Variants in PRKCA observed in about 807,000 individuals in gnomAD.
PRKCA encodes protein kinase C alpha type.
PRKCA carries 27 observed loss-of-function variants against 87.0 expected under a neutral mutation model. The ratio of observed to expected loss-of-function variants is 0.31; its 90% confidence interval spans 0.23 to 0.43. The LOEUF is 0.43. Among genes scored for constraint, PRKCA ranks in the 20% least tolerant of loss-of-function variants. PRKCA has a pLI of 1.00. For synonymous variants in PRKCA, 329 were observed against 311.1 expected (o/e 1.06, Z -0.61); for missense variants, 518 against 852.3 (o/e 0.61, Z 4.88).
chr17:66,612,537 A>G (rs1037534890), intron 3 of PRKCA, among the ~76,000 whole-genome samples: 1 of 152,182 alleles, frequency 6.6e-6, no homozygotes, highest in African/African-American at 2.4e-5. Context: ...ATATATAAAT[A>G]GAGTGCACAC....
chr17:66,551,447 A>T (rs1418246005), intron 3 of PRKCA, among the ~76,000 whole-genome samples: 2 of 152,238 alleles, frequency 1.3e-5, no homozygotes, highest in African/African-American at 2.4e-5. Flanking sequence ...AGTTCCTTGC[A>T]AGCTGTTGGC....
At chr17:66,518,384 A>G (rs962537169) in intron 3 of PRKCA, among the ~76,000 whole-genome samples, 5 of 152,356 alleles carry the variant, frequency 3.3e-5, no homozygotes, top group African/African-American at 1.2e-4. Context: ...AGGGCCTCCT[A>G]AGAAACTCCT....
chr17:66,706,560 C>T (rs1476122551), intron 8 of PRKCA, among the ~76,000 whole-genome samples: 11 of 151,570 alleles, frequency 7.3e-5, no homozygotes, highest in Admixed American at 6.6e-4. Context: ...ATGGCATGAA[C>T]CCGGGAGGCG....
chr17:66,550,907 A>G (rs1968306913), intron 3 of PRKCA, among the ~76,000 whole-genome samples: 1 of 152,194 alleles, frequency 6.6e-6, no homozygotes, highest in Admixed American at 6.5e-5. Context: ...GTCTTTTGTT[A>G]CCAAGCATAG....
intron 16 of PRKCA, among the ~76,000 whole-genome samples, chr17:66,794,628 T>TG (rs1325335277): frequency 3.3e-5 from 5 of 149,574 alleles, no homozygotes; most frequent in Non-Finnish European, 7.4e-5. Flanking sequence ...TTTTTTGTTT[T>TG]TTTTTTTTTT....
At chr17:66,522,234 G>A (rs975827021) in intron 3 of PRKCA, among the ~76,000 whole-genome samples, 2 of 152,232 alleles carry the variant, frequency 1.3e-5, no homozygotes, top group African/African-American at 4.8e-5. Flanking sequence ...CGAATGGCAG[G>A]CCACCTGGGG....
chr17:66,714,712 C>G (rs757964779), intron 8 of PRKCA, among the ~76,000 whole-genome samples: 1 of 152,200 alleles, frequency 6.6e-6, no homozygotes, highest in Non-Finnish European at 1.5e-5. Context: ...AGTGTTGACC[C>G]ATTTTACAGA....
At chr17:66,314,067 A>G (rs17706845) in intron 2 of PRKCA, among the ~76,000 whole-genome samples, 52,932 of 152,096 alleles carry the variant, frequency 0.35, 9,660 homozygotes, top group Middle Eastern at 0.54. Context: ...ATAGAGCTAA[A>G]GTACTTAACC....
Position 66,803,563 on chromosome 17 carries a change from C to A in PRKCA, c.1855-310C>A, listed in dbSNP as rs540527645. Among the ~76,000 whole-genome samples the A allele has an allele frequency of 3.9e-5, 6 of 152,348 alleles. No individual in the cohort carries two copies. The highest frequency in any genetic ancestry group is 1.4e-4 in the African/African-American group (6 of 41,600). ...GCGTGCGTGGCTTCCGTGCTCTCAG[C>A]TCCGCTTGCTCGGTGAGGTGGACGT... On this transcript the variant is annotated intron_variant, in intron 16 of 16. Coordinates refer to ENST00000413366, the MANE Select transcript of PRKCA (RefSeq NM_002737.3). This position sits in a 1 kb window ranked among gnomAD's most constrained non-coding sequence, Gnocchi z 4.4.
At chr17:66,637,770 G>A (rs1971184283) in intron 3 of PRKCA, among the ~76,000 whole-genome samples, 1 of 152,140 alleles carries the variant, frequency 6.6e-6, no homozygotes, top group Admixed American at 6.5e-5. Context: ...AGGATCACTG[G>A]CAGGATCTGC....
rs1168516433 is a variant in PRKCA, at chr17:66,656,510, G to A, written c.529+10999G>A. The stretch of plus-strand genomic sequence containing the variant: ...ATTTAAGCACAAGATTAATTGCTGT[G>A]AAATTATTGCAAGGAACTTTATCTT... On this transcript the variant is annotated intron_variant, in intron 5 of 16. Transcript: ENST00000413366. Among the ~76,000 whole-genome samples the A allele has an allele frequency of 1.4e-4, 19 of 135,632 alleles. No homozygotes were observed. The South Asian group carries it at 4.3e-3, about 31-fold the overall frequency. 89.0% of individuals were successfully genotyped at this position (135,632 alleles called of 152,430 possible). A position where few individuals can be genotyped will look rare whatever the true frequency, so the allele number is the denominator to read the frequency against.
intron 5 of PRKCA, among the ~76,000 whole-genome samples, chr17:66,665,609 G>A (rs992669372): frequency 2.0e-5 from 3 of 152,150 alleles, no homozygotes; most frequent in African/African-American, 7.2e-5. Context: ...TCTACCTGGA[G>A]TGGGGTAGAG....
chr17:66,724,066 C>A (rs1973681890), intron 8 of PRKCA, among the ~76,000 whole-genome samples: 2 of 152,158 alleles, frequency 1.3e-5, no homozygotes, highest in South Asian at 4.1e-4. Flanking sequence ...ACAGGACCCA[C>A]CCAAAGATTT....
At chr17:66,306,257 C>A in intron 2 of PRKCA, 130 bp downstream of exon 2, 3 of 989,192 alleles carry the variant, frequency 3.0e-6, no homozygotes, top group Admixed American at 2.7e-5. Flanking sequence ...AATATGAGGG[C>A]TGTAAATTTG....
intron 3 of PRKCA, among the ~76,000 whole-genome samples, chr17:66,575,175 C>A (rs138912477): frequency 0.01 from 1,574 of 152,310 alleles, 13 homozygotes; most frequent in Non-Finnish European, 0.016. Context: ...GAGGCGGTAG[C>A]AGCATCTACA....
rs567675176 is a variant in PRKCA, at chr17:66,612,914, A to G, written c.289-28441A>G. Among the ~76,000 whole-genome samples the G allele has an allele frequency of 2.6e-5, 4 of 152,310 alleles. No homozygotes were observed. In the East Asian group the frequency reaches 7.7e-4, roughly 29 times the overall value. On this transcript the variant is annotated intron_variant, in intron 3 of 16. Coordinates refer to ENST00000413366, the MANE Select transcript of PRKCA (RefSeq NM_002737.3). ...CTCCATCACAGATTTGTCAAACTATAGAGTATGTATAAAGTCATGTTTATT... is the reference window on the plus strand; with the variant it reads ...CTCCATCACAGATTTGTCAAACTATGGAGTATGTATAAAGTCATGTTTATT...
rs72842173 is a variant in PRKCA, at chr17:66,505,329, A to G, written c.288+9046A>G. ...TCTTGACCCACCAACCTCTGGCCACAGGGAAGAGGGAGGGATGAGTATTTG... is the reference window on the plus strand; with the variant it reads ...TCTTGACCCACCAACCTCTGGCCACGGGGAAGAGGGAGGGATGAGTATTTG... On this transcript the variant is annotated intron_variant, in intron 3 of 16. Transcript: ENST00000413366. Among the ~76,000 whole-genome samples the G allele has an allele frequency of 5.6e-3, 848 of 152,266 alleles. 6 individuals are homozygous for G. Among genetic ancestry groups the G allele is most frequent in the Non-Finnish European group, 9.2e-3 (624 of 68,026 alleles).
intron 2 of PRKCA, among the ~76,000 whole-genome samples, chr17:66,335,323 C>T (rs540491560): frequency 1.8e-4 from 28 of 151,706 alleles, no homozygotes; most frequent in African/African-American, 6.5e-4. Context: ...TTAGTGGAGA[C>T]GAGGTGTGAC....
At chr17:66,316,124 G>A (rs974921910) in intron 2 of PRKCA, among the ~76,000 whole-genome samples, 6 of 152,314 alleles carry the variant, frequency 3.9e-5, no homozygotes, top group South Asian at 2.1e-4. Flanking sequence ...AATGGCATGC[G>A]TGAGAGAGGG....
Sources: allele counts gnomAD v4.1 joint callset (sites outside exome capture counted in the v4.1 genomes callset), GRCh38; gene constraint gnomAD v4.1.1; non-coding constraint Gnocchi (gnomAD v3.1); transcripts MANE v1.5; gene names NCBI Gene and HGNC (gene_info 2026-07-23, HGNC 2026-07-21).